Variants in SGCZ observed in about 807,000 individuals in gnomAD.
SGCZ encodes zeta-sarcoglycan.
Under a neutral mutation model 41.3 loss-of-function variants are expected in SGCZ, and 40 were observed. The observed-to-expected ratio is 0.97, with a 90% CI of 0.75 to 1.26. The LOEUF (loss-of-function observed/expected upper bound fraction) is 1.26. Among genes scored for constraint, SGCZ ranks in the 50% most tolerant of loss-of-function variants. SGCZ has a pLI of 0.00. For missense variants in SGCZ, 552 were observed against 369.8 expected (o/e 1.49, Z -4.04); for synonymous variants, 206 against 137.5 (o/e 1.50, Z -3.49).
chr8:14,287,233 T>G (rs951160162), intron 3 of SGCZ, among the ~76,000 whole-genome samples: 1 of 151,382 alleles, frequency 6.6e-6, no homozygotes, highest in African/African-American at 2.4e-5. Flanking sequence ...TTTTTCAATG[T>G]GTATATAATT....
intron 1 of SGCZ, among the ~76,000 whole-genome samples, chr8:14,970,696 A>T (rs1407117054): frequency 6.6e-6 from 1 of 152,096 alleles, no homozygotes; most frequent in Non-Finnish European, 1.5e-5. Context: ...TACTGACTTT[A>T]CTTCTGTAGC....
At chr8:14,282,363 A>G (rs918939790) in intron 3 of SGCZ, among the ~76,000 whole-genome samples, 3 of 152,094 alleles carry the variant, frequency 2.0e-5, no homozygotes, top group African/African-American at 7.2e-5. Context: ...TTTCAAAAAA[A>G]AAATCTTATC....
At chr8:15,195,486 C>G (rs1800693242) in intron 1 of SGCZ, among the ~76,000 whole-genome samples, 1 of 152,176 alleles carries the variant, frequency 6.6e-6, no homozygotes, top group Admixed American at 6.5e-5. Context: ...TCTCTCTAAC[C>G]TGAGCATCCT....
At chr8:14,813,257 A>G (rs552396464) in intron 1 of SGCZ, among the ~76,000 whole-genome samples, 3 of 152,296 alleles carry the variant, frequency 2.0e-5, no homozygotes, top group Non-Finnish European at 2.9e-5. Context: ...ATATACAGGA[A>G]TACATGTACA....
chr8:14,474,185 T>C (rs1473095930), intron 2 of SGCZ, among the ~76,000 whole-genome samples: 1 of 152,160 alleles, frequency 6.6e-6, no homozygotes, highest in African/African-American at 2.4e-5. Flanking sequence ...AAACCATTTT[T>C]TGCACTCACA....
At chr8:14,925,207 T>C (rs539434486) in intron 1 of SGCZ, among the ~76,000 whole-genome samples, 1 of 152,332 alleles carries the variant, frequency 6.6e-6, no homozygotes, top group Non-Finnish European at 1.5e-5. Flanking sequence ...AATTTTCTTT[T>C]GTAATGCATA....
intron 1 of SGCZ, among the ~76,000 whole-genome samples, chr8:14,565,397 C>G (rs977752806): frequency 7.3e-5 from 11 of 151,658 alleles, no homozygotes; most frequent in African/African-American, 2.7e-4. Context: ...AGCTTTTCTG[C>G]TAATAAGAAT....
intron 2 of SGCZ, among the ~76,000 whole-genome samples, chr8:14,490,994 T>C: frequency 6.6e-6 from 1 of 152,232 alleles, no homozygotes; most frequent in East Asian, 1.9e-4. Flanking sequence ...CCTTGAAAAT[T>C]ATTCCTGTCT....
intron 4 of SGCZ, among the ~76,000 whole-genome samples, chr8:14,175,951 A>G (rs181363440): frequency 9.8e-5 from 15 of 152,306 alleles, no homozygotes; most frequent in African/African-American, 2.4e-4. Context: ...GCATTAATAT[A>G]TCTATTAGGT....
At chr8:14,164,473 G>C in intron 5 of SGCZ, 107 bp downstream of exon 5, 1 of 1,342,918 alleles carries the variant, frequency 7.4e-7, no homozygotes, top group South Asian at 1.3e-5. Flanking sequence ...GATTATGTAA[G>C]ACTCTACTTT....
intron 1 of SGCZ, among the ~76,000 whole-genome samples, chr8:15,204,177 T>C (rs1481489788): frequency 1.3e-5 from 2 of 152,174 alleles, no homozygotes; most frequent in Non-Finnish European, 2.9e-5. Flanking sequence ...CCAATGGTAA[T>C]AAAGAGGCAG....
At chr8:14,477,672 T>C (rs1305984139) in intron 2 of SGCZ, among the ~76,000 whole-genome samples, 2 of 152,182 alleles carry the variant, frequency 1.3e-5, no homozygotes, top group Non-Finnish European at 2.9e-5. Context: ...GGTCTAACTT[T>C]CTAAACATAA....
At chr8:14,654,431 T>G (rs761043249) in intron 1 of SGCZ, among the ~76,000 whole-genome samples, 3 of 152,208 alleles carry the variant, frequency 2.0e-5, no homozygotes, top group Non-Finnish European at 4.4e-5. Context: ...TAATAATGCC[T>G]ATTTATAGTA....
intron 1 of SGCZ, among the ~76,000 whole-genome samples, chr8:14,936,646 G>T (rs1041696766): frequency 6.6e-6 from 1 of 151,502 alleles, no homozygotes; most frequent in South Asian, 2.1e-4. Context: ...ATTATTTTTT[G>T]GTTCATAAGG....
At chr8:15,009,332 T>G (rs1471917852) in intron 1 of SGCZ, among the ~76,000 whole-genome samples, 3 of 152,242 alleles carry the variant, frequency 2.0e-5, no homozygotes, top group Non-Finnish European at 4.4e-5. Context: ...TCACTCACTA[T>G]CACAAGAACA....
chr8:14,675,223 A>G (rs1808235574), intron 1 of SGCZ, among the ~76,000 whole-genome samples: 1 of 151,832 alleles, frequency 6.6e-6, no homozygotes, highest in South Asian at 2.1e-4. Flanking sequence ...TACAGGTGTG[A>G]GCCACCGCAC....
chr8:14,354,606 T>C (rs1312014049), intron 2 of SGCZ, among the ~76,000 whole-genome samples: 1 of 151,682 alleles, frequency 6.6e-6, no homozygotes, highest in East Asian at 1.9e-4. Flanking sequence ...CTAGAGAGTT[T>C]ACAACATAAA....
At chr8:14,104,558 G>A (rs182225766) in intron 6 of SGCZ, among the ~76,000 whole-genome samples, 1 of 152,032 alleles carries the variant, frequency 6.6e-6, no homozygotes, top group East Asian at 1.9e-4. Flanking sequence ...AGCATCAGGA[G>A]AAACAGAAAG....
intron 1 of SGCZ, among the ~76,000 whole-genome samples, chr8:14,943,253 G>A (rs556485910): frequency 1.1e-4 from 17 of 152,152 alleles, no homozygotes; most frequent in South Asian, 2.1e-4. Flanking sequence ...CTGAAAATGC[G>A]GCTATATACT....
Sources: allele counts gnomAD v4.1 joint callset (sites outside exome capture counted in the v4.1 genomes callset), GRCh38; gene constraint gnomAD v4.1.1; transcripts MANE v1.5; gene names NCBI Gene and HGNC (gene_info 2026-07-23, HGNC 2026-07-21).